The following URI1 variants were observed in gnomAD, a reference collection of about 807,000 sequenced individuals.
URI1 encodes URI1 prefoldin like chaperone, also known as unconventional prefoldin RPB5 interactor 1.
URI1 carries 39 observed loss-of-function variants against 60.2 expected under a neutral mutation model. That is an observed-to-expected ratio of 0.65 (90% CI 0.50 to 0.85). The LOEUF (loss-of-function observed/expected upper bound fraction) is 0.85, where lower values mean the gene tolerates loss of function less well. Among genes scored for constraint, URI1 ranks in the 40% least tolerant of loss-of-function variants. The probability of loss-of-function intolerance (pLI) is 0.00; values close to 1 mark genes in which losing one functional copy is unlikely to be tolerated. For missense variants in URI1, 691 were observed against 665.9 expected (o/e 1.04, Z -0.42); for synonymous variants, 251 against 236.8 (o/e 1.06, Z -0.55).
chr19:29,925,340 G>A (rs1015839581), intron 1 of URI1, among the ~76,000 whole-genome samples: 1 of 152,210 alleles, frequency 6.6e-6, no homozygotes. Flanking sequence ...CCGGTACTTG[G>A]CATGCAGTAG....
chr19:30,001,752 A>G (rs933096616), intron 4 of URI1, among the ~76,000 whole-genome samples: 1 of 151,874 alleles, frequency 6.6e-6, no homozygotes, highest in African/African-American at 2.4e-5. Context: ...AAAGTCCATT[A>G]TCAGTTGTGC....
At chr19:29,949,479 A>C (rs373882094) in intron 1 of URI1, among the ~76,000 whole-genome samples, 1 of 152,126 alleles carries the variant, frequency 6.6e-6, no homozygotes, top group Non-Finnish European at 1.5e-5. Context: ...GCGGCCAGGC[A>C]GAGACACTCC....
At chr19:30,011,563 C>T (rs974777553) in intron 9 of URI1, among the ~76,000 whole-genome samples, 8 of 151,148 alleles carry the variant, frequency 5.3e-5, no homozygotes, top group South Asian at 2.1e-4. Flanking sequence ...CTACCACAGC[C>T]GTAACATGCT....
At chr19:29,993,742 G>A (rs1377303943) in intron 4 of URI1, among the ~76,000 whole-genome samples, 1 of 152,098 alleles carries the variant, frequency 6.6e-6, no homozygotes, top group Non-Finnish European at 1.5e-5. Context: ...AAACAACTAT[G>A]CTTCCTTTTC....
At chr19:29,980,921 C>G (rs1031600944) in intron 2 of URI1, among the ~76,000 whole-genome samples, 2 of 38,738 alleles carry the variant, frequency 5.2e-5, no homozygotes, top group Non-Finnish European at 1.0e-4. Flanking sequence ...GACTCCATCT[C>G]CAAAAAAAAA....
At chr19:29,965,504 T>C (rs2055381561) in intron 1 of URI1, among the ~76,000 whole-genome samples, 1 of 152,220 alleles carries the variant, frequency 6.6e-6, no homozygotes, top group Non-Finnish European at 1.5e-5. Flanking sequence ...ATATTCATTG[T>C]TGACAAAACT....
At chr19:29,990,965 G>A (rs2055738905) in intron 4 of URI1, among the ~76,000 whole-genome samples, 1 of 152,158 alleles carries the variant, frequency 6.6e-6, no homozygotes, top group African/African-American at 2.4e-5. Flanking sequence ...CTATGTGTCT[G>A]TCTCTTTGCT....
intron 1 of URI1, among the ~76,000 whole-genome samples, chr19:29,946,747 A>G (rs1006702099): frequency 7.2e-5 from 11 of 152,252 alleles, no homozygotes; most frequent in South Asian, 2.1e-4. Context: ...CGTAGGCCAT[A>G]TAACAGCTAT....
upstream of URI1, among the ~76,000 whole-genome samples, chr19:29,941,637 A>T (rs1485357435): frequency 6.6e-6 from 1 of 152,010 alleles, no homozygotes; most frequent in Non-Finnish European, 1.5e-5. Flanking sequence ...AAAAAAAAAA[A>T]AAAAAGAAAA....
At chr19:29,928,395 G>A (rs2054888745) in intron 1 of URI1, among the ~76,000 whole-genome samples, 1 of 152,158 alleles carries the variant, frequency 6.6e-6, no homozygotes, top group African/African-American at 2.4e-5. Context: ...AGGCCCCTGA[G>A]CCTCAGTGGA....
Position 30,015,740 on chromosome 19 carries a change from A to T in URI1, c.*671A>T, listed in dbSNP as rs2056078077. 9 of 681,042 alleles carry T rather than the reference A, an allele frequency of 1.3e-5. No homozygotes were observed. Among genetic ancestry groups the T allele is most frequent in the Non-Finnish European group, 2.2e-5 (9 of 411,076 alleles). The allele number at this position is 681,042 out of a possible 1,614,324, so 42.2% of individuals were successfully genotyped here. ...TGAACTTTATGATTCAAAATTGAGT[A>T]CAGATATGTCCTTGATTCATATGTA... On this transcript the variant is annotated 3_prime_UTR_variant, in exon 11 of 11. Coordinates refer to ENST00000392271, the MANE Select transcript of URI1 (RefSeq NM_003796.3).
chr19:30,009,339 G>A lies in URI1; in HGVS notation c.1021G>A (p.Val341Ile), dbSNP rs1889265543. The A allele has an allele frequency of 6.2e-6, 10 of 1,613,546 alleles. No homozygotes were observed. The highest frequency in any genetic ancestry group is 4.0e-5 in the African/African-American group (3 of 74,970). Reference protein sequence around the residue: ...SIPTIYFSHTVEPKRVRINTG... With the variant: ...SIPTIYFSHTIEPKRVRINTG... ...ACCAACAATATATTTTTCACATACT[G>A]TTGAGCCTAAGAGGGTTTGTATACT... The change falls in exon 8 of 11, where the codon GTT (valine) becomes ATT (isoleucine). Residue 341 changes from valine to isoleucine, a missense_variant. Transcript: ENST00000392271.
rs541109583 is a variant in URI1 at position 29,946,698 on chromosome 19, ATAAAC to A, written c.117+4041_117+4045del. Among the ~76,000 whole-genome samples the A allele has an allele frequency of 2.4e-4, 37 of 152,334 alleles. No homozygotes were observed. In the East Asian group the frequency reaches 4.6e-3, roughly 19 times the overall value. ...ATGGAGGGTTTTCATATTTCTTGTG[ATAAAC>A]TAAACTGCACATAGTTTAAAGAACT... On this transcript the variant is annotated intron_variant, in intron 1 of 10. Transcript: ENST00000392271.
At chr19:29,928,503 C>G (rs1400904257) in intron 1 of URI1, among the ~76,000 whole-genome samples, 3 of 152,156 alleles carry the variant, frequency 2.0e-5, no homozygotes, top group African/African-American at 7.2e-5. Context: ...TTTCCATCTT[C>G]AGTTCCTGGT....
At chr19:29,937,990 T>G (rs2054988171), upstream of URI1, 1 of 152,238 alleles carries the variant, frequency 6.6e-6, no homozygotes. Flanking sequence ...CCCCTGGCTG[T>G]TTATTCATGT....
chr19:30,009,582 G>GA (rs1335866528), intron 8 of URI1, among the ~76,000 whole-genome samples: 1 of 152,116 alleles, frequency 6.6e-6, no homozygotes, highest in Admixed American at 6.6e-5. Context: ...TTGGGGTCTG[G>GA]AAGGGGATCA....
chr19:29,933,405 C>T (rs1346766493), intron 1 of URI1, among the ~76,000 whole-genome samples: 1 of 152,148 alleles, frequency 6.6e-6, no homozygotes, highest in African/African-American at 2.4e-5. Context: ...TTTTGGAGTA[C>T]AATTGTTTAT....
chr19:29,953,324 T>A (rs993202142), intron 1 of URI1, among the ~76,000 whole-genome samples: 8 of 152,192 alleles, frequency 5.3e-5, no homozygotes, highest in African/African-American at 1.9e-4. Flanking sequence ...TTGACTGTTG[T>A]ATTGGTCTGT....
At chr19:29,926,818 AAGG>A (rs979793389) in intron 1 of URI1, among the ~76,000 whole-genome samples, 1 of 152,112 alleles carries the variant, frequency 6.6e-6, no homozygotes, top group African/African-American at 2.4e-5. Flanking sequence ...TCAGGTCCTG[AAGG>A]AGGAGCAAGG....
Sources: allele counts gnomAD v4.1 joint callset (sites outside exome capture counted in the v4.1 genomes callset), GRCh38; gene constraint gnomAD v4.1.1; transcripts MANE v1.5; gene names NCBI Gene and HGNC (gene_info 2026-07-23, HGNC 2026-07-21).